ADGRF5: variants seen among roughly 807,000 people sequenced by gnomAD.
The protein encoded by ADGRF5 is adhesion G protein-coupled receptor F5, also known as G-protein coupled receptor 116.
A neutral mutation model predicts 132.3 loss-of-function variants in ADGRF5; 75 were observed. The observed-to-expected ratio is 0.57, with a 90% confidence interval of 0.47 to 0.69. ADGRF5 has a LOEUF of 0.69. ADGRF5 is among the 30% of genes least tolerant of loss of function. The probability of loss-of-function intolerance (pLI) is 0.00; values close to 1 mark genes in which losing one functional copy is unlikely to be tolerated. For missense variants in ADGRF5, 1,516 were observed against 1,630.6 expected (o/e 0.93, Z 1.21); for synonymous variants, 629 against 597.6 (o/e 1.05, Z -0.77).
At chr6:46,863,813 TATA>T (rs1330903941) in intron 14 of ADGRF5, among the ~76,000 whole-genome samples, 3 of 152,134 alleles carry the variant, frequency 2.0e-5, no homozygotes, top group African/African-American at 7.2e-5. Context: ...CCATATTTGG[TATA>T]AAGAAAGAGG....
At chr6:46,863,996 T>C (rs1298990641) in intron 14 of ADGRF5, among the ~76,000 whole-genome samples, 1 of 152,216 alleles carries the variant, frequency 6.6e-6, no homozygotes, top group Non-Finnish European at 1.5e-5. Context: ...GTTGCCAACA[T>C]GTGAGAATGA....
At chr6:46,946,885 G>A (rs1413255578) in intron 1 of ADGRF5, among the ~76,000 whole-genome samples, 1 of 152,156 alleles carries the variant, frequency 6.6e-6, no homozygotes, top group Non-Finnish European at 1.5e-5. Context: ...ATTTAAGGAC[G>A]GTGAAGACAC....
At chr6:46,927,296 C>T (rs551866033) in intron 1 of ADGRF5, among the ~76,000 whole-genome samples, 3 of 37,320 alleles carry the variant, frequency 8.0e-5, no homozygotes, top group East Asian at 1.2e-3. Context: ...GAGCAAAGGG[C>T]GGCGGGGGTG....
intron 20 of ADGRF5, chr6:46,854,694 G>A (rs1215038861): frequency 7.9e-7 from 1 of 1,263,616 alleles, no homozygotes; most frequent in South Asian, 1.2e-5. Context: ...GGCAAGAAAA[G>A]GGTTGAAGTG....
chr6:46,905,015 T>C (rs1331269915), intron 2 of ADGRF5, among the ~76,000 whole-genome samples: 1 of 152,040 alleles, frequency 6.6e-6, no homozygotes, highest in African/African-American at 2.4e-5. Flanking sequence ...TGACCAGCCT[T>C]CACCACCAGG....
intron 10 of ADGRF5, among the ~76,000 whole-genome samples, chr6:46,877,546 A>G (rs1329698125): frequency 6.6e-6 from 1 of 152,054 alleles, no homozygotes; most frequent in Non-Finnish European, 1.5e-5. Flanking sequence ...ACTGTTATAC[A>G]AAACAGAGTC....
At position 46,862,703 on chromosome 6, in the gene ADGRF5, C is replaced by CTTTTTTTTTTTTT. The variant is rs67565937; in HGVS notation, c.2199+172_2199+184dup. Among the ~76,000 whole-genome samples, 99 of 26,510 alleles carry CTTTTTTTTTTTTT rather than the reference C, an allele frequency of 3.7e-3. 19 individuals carry two copies. The highest frequency in any genetic ancestry group is 0.014 in the South Asian group (3 of 208). 17.4% of individuals were successfully genotyped at this position (26,510 alleles called of 152,430 possible). On this transcript the variant is annotated intron_variant, in intron 15 of 20. Transcript: ENST00000283296. ...AGTTGTCTTAGTATTTGAATTGAGGCTTTTTTTTTTTTTTTTTTTTTTTTT... is the reference window on the plus strand; with the variant it reads ...AGTTGTCTTAGTATTTGAATTGAGGCTTTTTTTTTTTTTTTTTTTTTTTTTTTTTTTTTTTTTT...
rs144734985 is a variant in ADGRF5, at chr6:46,896,466, A to C, written c.157+3563T>G. Among the ~76,000 whole-genome samples, 255 of 152,216 alleles carry C rather than the reference A, an allele frequency of 1.7e-3. 1 individual carries two copies. Among genetic ancestry groups the C allele is most frequent in the African/African-American group, 5.8e-3 (241 of 41,538 alleles). ...AAGTGGTACAGAATACCTTCTCTGGACTGGAGGTAGATCAGGCCCTTTCAA... is the reference window on the plus strand; with the variant it reads ...AAGTGGTACAGAATACCTTCTCTGGCCTGGAGGTAGATCAGGCCCTTTCAA... On this transcript the variant is annotated intron_variant, in intron 3 of 20. Coordinates refer to ENST00000283296, the MANE Select transcript of ADGRF5 (RefSeq NM_001098518.2).
At position 46,856,873 on chromosome 6, in the gene ADGRF5, A is replaced by T; in HGVS notation, c.3810T>A (p.Asp1270Glu). 1 of 1,610,394 alleles carries T rather than the reference A, an allele frequency of 6.2e-7. No homozygotes were observed. The highest frequency in any genetic ancestry group is 1.1e-5 in the South Asian group (1 of 90,932). ...AAACTGTCATTGCTCTTACCTTCAG[A>T]TCCCAGAGGCATCCAAAGAGTAAAA... ...LFILLFGCLWDLKVQEALLNK... is the reference protein window; with the variant it reads ...LFILLFGCLWELKVQEALLNK... The change falls in exon 18 of 21, where the codon GAT (aspartate) becomes GAA (glutamate). Residue 1270 changes from aspartate to glutamate, a missense_variant. Asp to Glu is a conservative substitution (Grantham distance 45). This residue lies in a region of ADGRF5 where 571 missense variants were observed against 701.2 expected (regional missense o/e 0.81). Coordinates refer to ENST00000283296, the MANE Select transcript of ADGRF5 (RefSeq NM_001098518.2).
chr6:46,878,162 C>CA (rs1479162031), intron 10 of ADGRF5, 40 bp downstream of exon 10: 1 of 1,378,150 alleles, frequency 7.3e-7, no homozygotes, highest in East Asian at 2.3e-5. Context: ...GGCCAAGAGG[C>CA]AAAAACCTAT....
At chr6:46,861,099 A>G (rs117222334) in intron 15 of ADGRF5, among the ~76,000 whole-genome samples, 1,781 of 152,300 alleles carry the variant, frequency 0.012, 71 homozygotes, top group East Asian at 0.083. Context: ...AAGGCCACAC[A>G]CAGAAGGGGA....
At chr6:46,897,549 C>A (rs1022532050) in intron 3 of ADGRF5, among the ~76,000 whole-genome samples, 1 of 152,134 alleles carries the variant, frequency 6.6e-6, no homozygotes, top group Non-Finnish European at 1.5e-5. Flanking sequence ...CTGTTGCTTC[C>A]TTTCATCATT....
chr6:46,885,441 C>T (rs1772969096), intron 4 of ADGRF5, among the ~76,000 whole-genome samples: 2 of 152,070 alleles, frequency 1.3e-5, no homozygotes, highest in African/African-American at 4.8e-5. Context: ...CATAAAAACC[C>T]TGCTTAGGAC....
At chr6:46,916,013 C>A (rs1370254885) in intron 1 of ADGRF5, among the ~76,000 whole-genome samples, 1 of 152,130 alleles carries the variant, frequency 6.6e-6, no homozygotes, top group Non-Finnish European at 1.5e-5. Context: ...ATGCTCCCAT[C>A]CTCATCATCC....
At chr6:46,861,199 G>T (rs1331170430) in intron 15 of ADGRF5, among the ~76,000 whole-genome samples, 21 of 152,158 alleles carry the variant, frequency 1.4e-4, no homozygotes, top group Admixed American at 1.4e-3. Flanking sequence ...TGGGTGCAAT[G>T]GTCACTTGGA....
Position 46,859,379 on chromosome 6 carries a change from G to T in ADGRF5, c.2524C>A (p.Pro842Thr). The T allele has an allele frequency of 6.2e-7, 1 of 1,613,732 alleles. No homozygotes were observed. Among genetic ancestry groups the T allele is most frequent in the East Asian group, 2.2e-5 (1 of 44,870 alleles). ...FSQALQSGDSPPLSFSQTNVQ... is the reference protein window; with the variant it reads ...FSQALQSGDSTPLSFSQTNVQ... ...TTAGTTTGGGAGAAGGACAAAGGAG[G>T]GCTATCTCCCGACTGTAATGCTTGG... is the stretch of plus-strand genomic sequence containing the variant. Residue 842 changes from proline (P) to threonine (T), a missense_variant, in exon 17 of 21, where the codon CCT becomes ACT. Transcript: ENST00000283296.
intron 1 of ADGRF5, among the ~76,000 whole-genome samples, chr6:46,950,714 C>T (rs373563480): frequency 2.0e-5 from 3 of 152,124 alleles, no homozygotes; most frequent in Non-Finnish European, 4.4e-5. Context: ...GGGGTTTCAC[C>T]GTGTTAGCCA....
At chr6:46,894,128 T>C (rs1773937995) in intron 3 of ADGRF5, among the ~76,000 whole-genome samples, 1 of 152,210 alleles carries the variant, frequency 6.6e-6, no homozygotes, top group Admixed American at 6.5e-5. Context: ...AATGCAATTT[T>C]ACCATTGATG....
rs79272238 is a variant in ADGRF5 at position 46,866,346 on chromosome 6, T to G, written c.1834+579A>C. On this transcript the variant is annotated intron_variant, in intron 13 of 20. Coordinates refer to ENST00000283296, the MANE Select transcript of ADGRF5 (RefSeq NM_001098518.2). Reference sequence around the variant, plus strand: ...TGAATGTGCCACTTTTTGAAGGTCTTAACATTGTGTCAATGGGGTGTGAGT... The same window carrying G: ...TGAATGTGCCACTTTTTGAAGGTCTGAACATTGTGTCAATGGGGTGTGAGT... Among the ~76,000 whole-genome samples the G allele has an allele frequency of 2.5e-3, 378 of 152,196 alleles. 2 individuals carry two copies. The highest frequency in any genetic ancestry group is 8.5e-3 in the African/African-American group (354 of 41,530).
Sources: allele counts gnomAD v4.1 joint callset (sites outside exome capture counted in the v4.1 genomes callset), GRCh38; gene constraint gnomAD v4.1.1; regional missense constraint gnomAD v4.1.1; transcripts MANE v1.5; gene names NCBI Gene and HGNC (gene_info 2026-07-23, HGNC 2026-07-21).